Variants in AHDC1 observed in about 807,000 individuals in gnomAD.
AHDC1 encodes AT-hook DNA binding motif containing 1.
A neutral mutation model predicts 87.9 loss-of-function variants in AHDC1; 7 were observed. The ratio of observed to expected loss-of-function variants is 0.08; its 90% CI spans 0.05 to 0.15. AHDC1 has a LOEUF of 0.15. AHDC1 is among the 10% of genes least tolerant of loss of function. The pLI is 1.00. For missense variants in AHDC1, 1,841 were observed against 2,253.2 expected (o/e 0.82, Z 3.70); for synonymous variants, 1,051 against 1,006.8 (o/e 1.04, Z -0.83).
intron 3 of AHDC1, among the ~76,000 whole-genome samples, chr1:27,589,342 T>C (rs939817928): frequency 1.3e-5 from 2 of 152,202 alleles, no homozygotes; most frequent in African/African-American, 2.4e-5. Flanking sequence ...TGGCTGTGTG[T>C]CTGTGCCTGT....
chr1:27,542,735 C>A (rs1384661988), intron 8 of AHDC1, among the ~76,000 whole-genome samples: 1 of 152,210 alleles, frequency 6.6e-6, no homozygotes, highest in Non-Finnish European at 1.5e-5. Context: ...CCACCACCCT[C>A]CAGTTCCGTG....
intron 3 of AHDC1, among the ~76,000 whole-genome samples, chr1:27,580,828 C>G (rs189847030): frequency 6.6e-6 from 1 of 152,120 alleles, no homozygotes; most frequent in African/African-American, 2.4e-5. Context: ...ACATTTTAAC[C>G]AACCAAAAAC....
chr1:27,596,815 G>A (rs1030701048), intron 3 of AHDC1, among the ~76,000 whole-genome samples: 2 of 151,456 alleles, frequency 1.3e-5, no homozygotes, highest in East Asian at 1.9e-4. Flanking sequence ...TCACATAAAC[G>A]TGCATCCACA....
rs778859988 is a variant in AHDC1, at chr1:27,547,802, A to C, written c.4314T>G (p.Ala1438=). 2.6e-6 allele frequency: 4 copies of C among 1,564,272 alleles called. No individual in the cohort carries two copies. In the South Asian group the frequency reaches 3.6e-5, roughly 14 times the overall value. ...GGCAGCTCAGGTGGGCCTGGGCTGC[A>C]GCTGCGTGGCCCAGGCTGGCCCCCT... ...GLQGASLGHA[A]AAQAHLSCRD... The change falls in exon 8 of 9, where the codon GCT becomes GCG. Residue 1438 remains alanine (A), a synonymous_variant. Coordinates refer to ENST00000673934, the MANE Select transcript of AHDC1 (RefSeq NM_001371928.1). This position sits in a 1 kb window ranked among gnomAD's most constrained non-coding sequence, Gnocchi z 4.9.
chr1:27,599,406 C>T (rs1258332697), intron 3 of AHDC1, among the ~76,000 whole-genome samples: 1 of 152,174 alleles, frequency 6.6e-6, no homozygotes, highest in African/African-American at 2.4e-5. Context: ...CCTCCCCCTC[C>T]CCTGGGGGGG....
chr1:27,597,152 G>T (rs2089398058), intron 3 of AHDC1, among the ~76,000 whole-genome samples: 1 of 152,172 alleles, frequency 6.6e-6, no homozygotes, highest in Non-Finnish European at 1.5e-5. Flanking sequence ...TGGGGGTGGG[G>T]GGCAGGTGGC....
intron 8 of AHDC1, among the ~76,000 whole-genome samples, chr1:27,542,791 C>T (rs536742499): frequency 2.6e-5 from 4 of 152,230 alleles, no homozygotes; most frequent in African/African-American, 9.6e-5. Context: ...AAGGGTGAGT[C>T]GGTATGGTCG....
chr1:27,550,384 T>C lies in AHDC1; in HGVS notation c.1732A>G (p.Thr578Ala), dbSNP rs1312662570. The change falls in exon 8 of 9, where the codon ACC becomes GCC. Residue 578 changes from threonine (T) to alanine (A), a missense_variant. By Grantham distance (58) the Thr-to-Ala change is moderately conservative (BLOSUM62 0). This residue lies in a region of AHDC1 where 84 missense variants were observed against 111.7 expected (regional missense o/e 0.75). Coordinates refer to ENST00000673934, the MANE Select transcript of AHDC1 (RefSeq NM_001371928.1). Reference sequence around the variant, plus strand: ...TTTTTTACCTCTGGCATGGCCATGGTGGCCGCTGCCACAGTGGCTGCCTCG... The same window carrying C: ...TTTTTTACCTCTGGCATGGCCATGGCGGCCGCTGCCACAGTGGCTGCCTCG... ...AAEAATVAAA[T>A]MAMPEVKKRR... is the part of the protein sequence containing the mutation. 6.2e-7 allele frequency: 1 copy of C among 1,613,296 alleles called. No individual in the cohort carries two copies. Among genetic ancestry groups the C allele is most frequent in the Non-Finnish European group, 8.5e-7 (1 of 1,179,642 alleles).
chr1:27,600,293 C>T (rs1014145887), intron 3 of AHDC1, among the ~76,000 whole-genome samples: 1 of 151,910 alleles, frequency 6.6e-6, no homozygotes, highest in African/African-American at 2.4e-5. Flanking sequence ...CCACTCTGTC[C>T]CAAGAGACCC....
At chr1:27,535,606 C>A (rs1452423947) in intron 8 of AHDC1, among the ~76,000 whole-genome samples, 1 of 152,078 alleles carries the variant, frequency 6.6e-6, no homozygotes, top group African/African-American at 2.4e-5. Flanking sequence ...CTTACCAATG[C>A]CATTCTGTTC....
At chr1:27,571,787 G>A (rs1357551561) in intron 3 of AHDC1, among the ~76,000 whole-genome samples, 1 of 152,150 alleles carries the variant, frequency 6.6e-6, no homozygotes, top group African/African-American at 2.4e-5. Flanking sequence ...AACCCGCCGG[G>A]GTGGGTTTGC....
intron 5 of AHDC1, among the ~76,000 whole-genome samples, chr1:27,557,969 C>A (rs544629353): frequency 6.6e-6 from 1 of 152,200 alleles, no homozygotes; most frequent in Admixed American, 6.5e-5. Flanking sequence ...CACACAGCCT[C>A]GCATCCTCCC....
At chr1:27,572,731 A>G (rs934596066) in intron 3 of AHDC1, among the ~76,000 whole-genome samples, 26 of 152,154 alleles carry the variant, frequency 1.7e-4, no homozygotes, top group African/African-American at 5.8e-4. Flanking sequence ...CTCTCTGAGG[A>G]GCCTGTCCTG....
intron 3 of AHDC1, among the ~76,000 whole-genome samples, chr1:27,570,792 T>C (rs1159827182): frequency 6.6e-6 from 1 of 152,140 alleles, no homozygotes; most frequent in Admixed American, 6.5e-5. Flanking sequence ...TCAAGCTTTA[T>C]GTATCTTAAT....
At chr1:27,575,937 C>G (rs954952001) in intron 3 of AHDC1, among the ~76,000 whole-genome samples, 1 of 151,786 alleles carries the variant, frequency 6.6e-6, no homozygotes, top group Non-Finnish European at 1.5e-5. Context: ...AGGGCCGTCG[C>G]GATCCGGGTC....
intron 3 of AHDC1, among the ~76,000 whole-genome samples, chr1:27,573,344 G>A (rs61158234): frequency 3.3e-5 from 5 of 152,180 alleles, no homozygotes; most frequent in Middle Eastern, 3.4e-3. Context: ...TCACACAGCC[G>A]AACTCCTGGT....
chr1:27,537,399 G>A (rs1014293748), intron 8 of AHDC1, among the ~76,000 whole-genome samples: 2 of 152,208 alleles, frequency 1.3e-5, no homozygotes, highest in Non-Finnish European at 2.9e-5. Context: ...GAAGGTCCTG[G>A]GGAGGCAGCT....
intron 3 of AHDC1, among the ~76,000 whole-genome samples, chr1:27,574,236 A>T (rs1381869117): frequency 6.6e-6 from 1 of 152,218 alleles, no homozygotes; most frequent in Non-Finnish European, 1.5e-5. Context: ...AGGCAAAAGG[A>T]GCACTGTGAG....
In AHDC1 at chr1:27,538,400, C is replaced by CAAAA. The variant is rs370786800; in HGVS notation, c.*44-3488_*44-3485dup. On this transcript the variant is annotated intron_variant, in intron 8 of 8. Transcript: ENST00000673934. ...CCTGGGTGACAGAGCAAGACTGTCT[C>CAAAA]AAAAAAAAAAAAAAAAAACCAGAAA... Among the ~76,000 whole-genome samples, 46 of 60,720 alleles carry CAAAA rather than the reference C, an allele frequency of 7.6e-4. 2 individuals are homozygous for CAAAA. Among genetic ancestry groups the CAAAA allele is most frequent in the African/African-American group, 2.0e-3 (38 of 19,230 alleles). The allele number at this position is 60,720 out of a possible 152,430, so 39.8% of individuals were successfully genotyped here.
Sources: allele counts gnomAD v4.1 joint callset (sites outside exome capture counted in the v4.1 genomes callset), GRCh38; gene constraint gnomAD v4.1.1; regional missense constraint gnomAD v4.1.1; non-coding constraint Gnocchi (gnomAD v3.1); transcripts MANE v1.5; gene names NCBI Gene and HGNC (gene_info 2026-07-23, HGNC 2026-07-21).